The following PCDHGB2 variants were observed in gnomAD, a reference collection of about 807,000 sequenced individuals.
The protein encoded by PCDHGB2 is protocadherin gamma-B2.
A neutral mutation model predicts 59.3 loss-of-function variants in PCDHGB2; 55 were observed. That is an observed-to-expected ratio of 0.93 (90% CI 0.75 to 1.16). The LOEUF (loss-of-function observed/expected upper bound fraction) is 1.16. PCDHGB2 is among the 50% of genes most tolerant of loss of function. The pLI, the probability that PCDHGB2 is intolerant of heterozygous loss-of-function variation, is 0.00. For synonymous variants in PCDHGB2, 516 were observed against 512.0 expected (o/e 1.01, Z -0.11); for missense variants, 1,228 against 1,198.5 (o/e 1.02, Z -0.36).
At chr5:141,381,798 CTCTT>C (rs372235829) in intron 1 of PCDHGB2, among the ~76,000 whole-genome samples, 40 of 144,168 alleles carry the variant, frequency 2.8e-4, no homozygotes, top group Non-Finnish European at 4.5e-4. Context: ...AGGCAATTCC[CTCTT>C]TCTTTCTTTC....
chr5:141,460,608 T>A (rs2098993153), intron 1 of PCDHGB2, among the ~76,000 whole-genome samples: 1 of 152,186 alleles, frequency 6.6e-6, no homozygotes, highest in Non-Finnish European at 1.5e-5. Context: ...CTGTGTTAGA[T>A]GGATAGATAG....
chr5:141,438,337 T>C (rs935624931), intron 1 of PCDHGB2, among the ~76,000 whole-genome samples: 25 of 151,926 alleles, frequency 1.6e-4, no homozygotes, highest in Non-Finnish European at 1.9e-4. Context: ...ACATGTCATA[T>C]AAGGATCTAC....
Position 141,477,710 on chromosome 5 carries a change from G to A in PCDHGB2, c.2422-17097G>A, listed in dbSNP as rs747156156. ...GCCCCTAGACTATGAGGATCGGCGG[G>A]AATTTGAATTAACAGCTCATATCAG... On this transcript the variant is annotated intron_variant, in intron 1 of 3. Transcript: ENST00000522605. This position sits in a 1 kb window ranked among gnomAD's most constrained non-coding sequence, Gnocchi z 4.9. 2.5e-6 allele frequency: 4 copies of A among 1,613,918 alleles called. No homozygotes were observed. Among genetic ancestry groups the A allele is most frequent in the Middle Eastern group, 3.3e-4 (2 of 6,062 alleles).
rs750564390 is a variant in PCDHGB2, at chr5:141,494,823, C to T, written c.2438C>T (p.Thr813Met). Residue 813 changes from threonine to methionine, a missense_variant, in exon 2 of 4, where the codon ACG becomes ATG. Physicochemically the swap from Thr to Met is moderately conservative, Grantham distance 81. Coordinates refer to ENST00000522605, the MANE Select transcript of PCDHGB2 (RefSeq NM_018923.3). Reference sequence around the variant, plus strand: ...TCTCCACAGCAAGCCCCGCCCAACACGGACTGGCGTTTCTCTCAGGCCCAG... The same window carrying T: ...TCTCCACAGCAAGCCCCGCCCAACATGGACTGGCGTTTCTCTCAGGCCCAG... ...DTILKQAPPN[T>M]DWRFSQAQRP... 7 of 1,614,014 alleles carry T rather than the reference C, an allele frequency of 4.3e-6. No individual in the cohort carries two copies. The East Asian group carries it at 8.9e-5, about 21-fold the overall frequency.
In PCDHGB2 at chr5:141,394,544, G is replaced by A. The variant is rs759661980; in HGVS notation, c.2421+31988G>A. 2.5e-6 allele frequency: 4 copies of A among 1,614,054 alleles called. No individual in the cohort carries two copies. In the South Asian group the frequency reaches 3.3e-5, roughly 13 times the overall value. ...CAGACGGTTCCACTGGCGTGGAGCT[G>A]GCGCCCCGCTCCGCAGAGCGTGGCT... On this transcript the variant is annotated intron_variant, in intron 1 of 3. Coordinates refer to ENST00000522605, the MANE Select transcript of PCDHGB2 (RefSeq NM_018923.3).
Position 141,425,378 on chromosome 5 carries a change from C to T in PCDHGB2, c.2421+62822C>T, listed in dbSNP as rs372445707. Among the ~76,000 whole-genome samples the T allele has an allele frequency of 1.6e-4, 25 of 152,174 alleles. 1 individual carries two copies. The highest frequency in any genetic ancestry group is 3.9e-4 in the African/African-American group (16 of 41,522). On this transcript the variant is annotated intron_variant, in intron 1 of 3. Transcript: ENST00000522605. ...TGATATTAAGAGGGTTATGTTGATTCGGAGGTAGTGATAAAGTTCTGTTAA... is the reference window on the plus strand; with the variant it reads ...TGATATTAAGAGGGTTATGTTGATTTGGAGGTAGTGATAAAGTTCTGTTAA...
At position 141,431,215 on chromosome 5, in the gene PCDHGB2, C is replaced by G. The variant is rs1225114172; in HGVS notation, c.2422-63592C>G. 1 of 1,614,184 alleles carries G rather than the reference C, an allele frequency of 6.2e-7. No individual in the cohort carries two copies. Among genetic ancestry groups the G allele is most frequent in the Admixed American group, 1.7e-5 (1 of 60,032 alleles). On this transcript the variant is annotated intron_variant, in intron 1 of 3. Coordinates refer to ENST00000522605, the MANE Select transcript of PCDHGB2 (RefSeq NM_018923.3). This position sits in a 1 kb window ranked among gnomAD's most constrained non-coding sequence, Gnocchi z 4.8. ...AAAATGCAGCCACTGAGATGCGGTTCCCTCTACCCCACGCCTGGGATCCGG... is the reference window on the plus strand; with the variant it reads ...AAAATGCAGCCACTGAGATGCGGTTGCCTCTACCCCACGCCTGGGATCCGG...
At chr5:141,421,218 A>G (rs969154252) in intron 1 of PCDHGB2, 1 of 1,570,664 alleles carries the variant, frequency 6.4e-7, no homozygotes, top group Admixed American at 1.9e-5. Flanking sequence ...ATATCGGCTT[A>G]GAGCCTGCCA....
At chr5:141,415,740 GTT>G (rs57426385) in intron 1 of PCDHGB2, 13,277 of 614,848 alleles carry the variant, frequency 0.022, 3 homozygotes, top group South Asian at 0.023. Context: ...GTTTATTAAG[GTT>G]TTTTTTTTTT....
At position 141,362,235 on chromosome 5, in the gene PCDHGB2, A is replaced by C; in HGVS notation, c.2100A>C (p.Ser700=). 6.2e-7 allele frequency: 1 copy of C among 1,613,852 alleles called. No individual in the cohort carries two copies. The highest frequency in any genetic ancestry group is 2.2e-5 in the East Asian group (1 of 44,862). ...TGGTTGTGGCCTTGGCCTTGATCTCAGTGCTCTTCTTCCTCGCGGTGATTC... is the reference window on the plus strand; with the variant it reads ...TGGTTGTGGCCTTGGCCTTGATCTCCGTGCTCTTCTTCCTCGCGGTGATTC... ...FYLVVALALI[S]VLFFLAVILA... is the part of the protein sequence containing the mutation. Residue 700 remains serine (S), a synonymous_variant, in exon 1 of 4, where the codon TCA becomes TCC. Coordinates refer to ENST00000522605, the MANE Select transcript of PCDHGB2 (RefSeq NM_018923.3).
At chr5:141,483,816 A>G (rs2099587505) in intron 1 of PCDHGB2, among the ~76,000 whole-genome samples, 1 of 152,172 alleles carries the variant, frequency 6.6e-6, no homozygotes, top group Admixed American at 6.5e-5. Context: ...TTTGGCAGCC[A>G]GTGTAACCTA....
intron 2 of PCDHGB2, among the ~76,000 whole-genome samples, chr5:141,500,942 C>T (rs937418207): frequency 2.0e-5 from 3 of 151,926 alleles, no homozygotes; most frequent in Non-Finnish European, 4.4e-5. Context: ...CATCTCGGCT[C>T]ACTGCAAGCT....
intron 1 of PCDHGB2, among the ~76,000 whole-genome samples, chr5:141,439,459 A>ACTG (rs1234039449): frequency 6.6e-6 from 1 of 152,222 alleles, no homozygotes; most frequent in Non-Finnish European, 1.5e-5. Flanking sequence ...GCAAGACTGC[A>ACTG]CTGCTGCCTT....
At chr5:141,459,735 T>A (rs114520602) in intron 1 of PCDHGB2, among the ~76,000 whole-genome samples, 1 of 152,374 alleles carries the variant, frequency 6.6e-6, no homozygotes, top group Non-Finnish European at 1.5e-5. Flanking sequence ...GTCAATTTTT[T>A]AAATTTTAGC....
rs1589316075 is a variant in PCDHGB2, at chr5:141,398,010, G to GAATTT, written c.2421+35454_2421+35455insAATTT. 8 of 1,407,812 alleles carry GAATTT rather than the reference G, an allele frequency of 5.7e-6. 1 individual carries two copies. The East Asian group carries it at 1.5e-4, about 27-fold the overall frequency. 87.2% of individuals were successfully genotyped at this position (1,407,812 alleles called of 1,614,324 possible). Reference sequence around the variant, plus strand: ...CCGCTTCCTCCTCGGAAAAAGAATCGTTTCCTAAACTGGAACTGGAACTAA... The same window carrying GAATTT: ...CCGCTTCCTCCTCGGAAAAAGAATCGAATTTTTTCCTAAACTGGAACTGGAACTAA... On this transcript the variant is annotated intron_variant, in intron 1 of 3. Transcript: ENST00000522605.
intron 1 of PCDHGB2, chr5:141,390,095 TC>T (rs1456939693): frequency 6.2e-7 from 1 of 1,613,972 alleles, no homozygotes; most frequent in Non-Finnish European, 8.5e-7. Context: ...AATCCGTGGT[TC>T]CCCCCAACTA....
chr5:141,436,384 C>A lies in PCDHGB2; in HGVS notation c.2422-58423C>A, dbSNP rs1048094484. 2.6e-5 allele frequency among the ~76,000 whole-genome samples: 4 copies of A among 152,222 alleles called. 1 individual carries two copies. Among genetic ancestry groups the A allele is most frequent in the Non-Finnish European group, 4.4e-5 (3 of 67,978 alleles). On this transcript the variant is annotated intron_variant, in intron 1 of 3. Coordinates refer to ENST00000522605, the MANE Select transcript of PCDHGB2 (RefSeq NM_018923.3). The stretch of plus-strand genomic sequence containing the variant: ...ATGTTTCCAGTTTAAGCTGAATAGG[C>A]TTTATTAAATAGTTGTTGAATGAAT...
In PCDHGB2 at chr5:141,476,255, G is replaced by A. The variant is rs767691159; in HGVS notation, c.2422-18552G>A. 6.2e-7 allele frequency: 1 copy of A among 1,614,090 alleles called. No individual in the cohort carries two copies. Among genetic ancestry groups the A allele is most frequent in the Admixed American group, 1.7e-5 (1 of 60,022 alleles). ...GGAGGAAAGAGAGAAGGGTTTCGCT[G>A]TGGGCAACGTGGTCGCGAACCTTGG... On this transcript the variant is annotated intron_variant, in intron 1 of 3. Transcript: ENST00000522605. The surrounding 1 kb of genome is among the most constrained non-coding windows in gnomAD (Gnocchi z 7.6).
chr5:141,470,023 G>A (rs1258101057), intron 1 of PCDHGB2, among the ~76,000 whole-genome samples: 1 of 152,110 alleles, frequency 6.6e-6, no homozygotes, highest in Admixed American at 6.6e-5. Context: ...CAGCTACTCG[G>A]GATGCTGAGG....
Sources: allele counts gnomAD v4.1 joint callset (sites outside exome capture counted in the v4.1 genomes callset), GRCh38; gene constraint gnomAD v4.1.1; non-coding constraint Gnocchi (gnomAD v3.1); transcripts MANE v1.5; gene names NCBI Gene and HGNC (gene_info 2026-07-23, HGNC 2026-07-21).